CRTAC1: variants seen among roughly 807,000 people sequenced by gnomAD.
CRTAC1 encodes the protein acidic secreted protein in cartilage.
A neutral mutation model predicts 67.8 loss-of-function variants in CRTAC1; 37 were observed. The observed-to-expected ratio is 0.55, with a 90% confidence interval of 0.42 to 0.72. CRTAC1 has a LOEUF of 0.72. Ranked by LOEUF, CRTAC1 falls within the 30% of genes least tolerant of loss-of-function variation. CRTAC1 has a pLI of 0.00. For missense variants in CRTAC1, 780 were observed against 931.6 expected, an observed-to-expected ratio of 0.84 and a Z score of 2.12; for synonymous variants, 348 against 371.0, an observed-to-expected ratio of 0.94 and a Z score of 0.71.
chr10:97,947,631 A>G (rs2051285393), intron 2 of CRTAC1, among the ~76,000 whole-genome samples: 1 of 152,262 alleles, frequency 6.6e-6, no homozygotes, highest in African/African-American at 2.4e-5. Flanking sequence ...GCTGAGAAAT[A>G]AAAGAATGAG....
intron 2 of CRTAC1, among the ~76,000 whole-genome samples, chr10:97,947,247 G>A (rs1197560159): frequency 2.6e-5 from 4 of 152,254 alleles, no homozygotes; most frequent in East Asian, 3.9e-4. Context: ...TGTGATGGAC[G>A]CACATGGCAT....
At chr10:97,934,926 G>C (rs1474358245) in intron 3 of CRTAC1, among the ~76,000 whole-genome samples, 1 of 126,288 alleles carries the variant, frequency 7.9e-6, no homozygotes, top group Non-Finnish European at 1.6e-5. Context: ...TGAGAGCTGA[G>C]CCTAAGAAAA....
intron 11 of CRTAC1, among the ~76,000 whole-genome samples, chr10:97,885,669 C>T (rs1422179602): frequency 6.6e-6 from 1 of 152,040 alleles, no homozygotes; most frequent in Non-Finnish European, 1.5e-5. Context: ...GGCTGGGCCT[C>T]ACCTTCCAGG....
chr10:97,977,845 T>G (rs1414381063), intron 2 of CRTAC1, among the ~76,000 whole-genome samples: 1 of 152,176 alleles, frequency 6.6e-6, no homozygotes, highest in Non-Finnish European at 1.5e-5. Context: ...TATGCTGTGA[T>G]CATCAGTATG....
Position 97,896,963 on chromosome 10 carries a change from G to A in CRTAC1, c.1162C>T (p.Leu388Phe). ...TCGCCGGGATTGAGCTCCTCGATGA[G>A]GGGGTCTCCGTGCTCTCTACGGATG... The part of the protein sequence containing the change: ...RVIRREHGDP[L>F]IEELNPGDAL... The change falls in exon 9 of 15, where the codon CTC becomes TTC. Residue 388 changes from leucine (L) to phenylalanine (F), a missense_variant. Leu to Phe is a conservative substitution (Grantham distance 22, BLOSUM62 0). Transcript: ENST00000370597. 1 of 1,560,424 alleles carries A rather than the reference G, an allele frequency of 6.4e-7. No homozygotes were observed. Among genetic ancestry groups the A allele is most frequent in the Non-Finnish European group, 8.7e-7 (1 of 1,151,430 alleles).
chr10:97,895,448 C>A lies in CRTAC1; in HGVS notation c.1318-35G>T. 6.4e-7 allele frequency: 1 copy of A among 1,550,990 alleles called. No homozygotes were observed. The highest frequency in any genetic ancestry group is 8.7e-7 in the Non-Finnish European group (1 of 1,149,976). On this transcript the variant is annotated intron_variant, in intron 10 of 14. Transcript: ENST00000370597. The surrounding 1 kb of genome is among the most constrained non-coding windows in gnomAD (Gnocchi z 4.2). Reference sequence around the variant, plus strand: ...GGGTGAGAGGCAGACACCCGGTGGGCATCAGCATGGTGGGTGGGAAGAGCA... The same window carrying A: ...GGGTGAGAGGCAGACACCCGGTGGGAATCAGCATGGTGGGTGGGAAGAGCA...
intron 5 of CRTAC1, among the ~76,000 whole-genome samples, chr10:97,911,140 G>A (rs2050683412): frequency 6.6e-6 from 1 of 152,168 alleles, no homozygotes; most frequent in Non-Finnish European, 1.5e-5. Flanking sequence ...CAGCTTCTCT[G>A]AGAATCCCTC....
At chr10:97,878,570 C>A (rs2050173065) in intron 14 of CRTAC1, 6 of 1,279,796 alleles carry the variant, frequency 4.7e-6, no homozygotes, top group African/African-American at 1.5e-5. Flanking sequence ...AACAAGCCTT[C>A]ACTACTGAGG....
rs186543806 is a variant in CRTAC1, at chr10:97,977,826, G to A, written c.224+33312C>T. 7.2e-5 allele frequency among the ~76,000 whole-genome samples: 11 copies of A among 152,302 alleles called. No homozygotes were observed. The East Asian group carries it at 1.9e-3, about 27-fold the overall frequency. On this transcript the variant is annotated intron_variant, in intron 2 of 14. Coordinates refer to ENST00000370597, the MANE Select transcript of CRTAC1 (RefSeq NM_018058.7). ...CTCACGAGTGTAAATCAGAGTGGCA[G>A]GGAACCAATATGCTGTGATCATCAG...
rs114032373 is a variant in CRTAC1, at chr10:97,932,100, A to C, written c.421+4070T>G. Among the ~76,000 whole-genome samples the C allele has an allele frequency of 3.9e-3, 589 of 152,144 alleles. 8 individuals are homozygous for C. Among genetic ancestry groups the C allele is most frequent in the African/African-American group, 0.013 (543 of 41,500 alleles). ...TTCCCTTACCCGCTTACCAATTCTCAGCCCTTGACCCAGACTCACTGGGCC... is the reference window on the plus strand; with the variant it reads ...TTCCCTTACCCGCTTACCAATTCTCCGCCCTTGACCCAGACTCACTGGGCC... On this transcript the variant is annotated intron_variant, in intron 3 of 14. Coordinates refer to ENST00000370597, the MANE Select transcript of CRTAC1 (RefSeq NM_018058.7).
At chr10:97,989,292 A>G (rs1228933774) in intron 2 of CRTAC1, among the ~76,000 whole-genome samples, 1 of 152,192 alleles carries the variant, frequency 6.6e-6, no homozygotes, top group African/African-American at 2.4e-5. Context: ...ACGCACACAC[A>G]GAGTCATATG....
intron 7 of CRTAC1, 57 bp from the exon 8 acceptor site, chr10:97,901,696 A>T: frequency 6.2e-7 from 1 of 1,604,874 alleles, no homozygotes; most frequent in East Asian, 2.2e-5. Flanking sequence ...GCGGGAGGCC[A>T]GCTCTCCTCT....
At chr10:97,951,647 C>T (rs2136632464) in intron 2 of CRTAC1, among the ~76,000 whole-genome samples, 1 of 152,294 alleles carries the variant, frequency 6.6e-6, no homozygotes, top group African/African-American at 2.4e-5. Flanking sequence ...TAAAAATTAC[C>T]TACCTGACTG....
intron 2 of CRTAC1, among the ~76,000 whole-genome samples, chr10:97,980,273 G>C (rs1452636207): frequency 6.6e-6 from 1 of 152,226 alleles, no homozygotes; most frequent in East Asian, 1.9e-4. Context: ...GGTAGGTTCT[G>C]AGAAGCTGTT....
intron 2 of CRTAC1, among the ~76,000 whole-genome samples, chr10:97,996,164 T>C (rs1484110523): frequency 6.6e-6 from 1 of 151,714 alleles, no homozygotes; most frequent in Admixed American, 6.6e-5. Flanking sequence ...ATTCAGGACA[T>C]AGGCATGGGC....
chr10:98,007,547 C>G (rs1438896258), intron 2 of CRTAC1, among the ~76,000 whole-genome samples: 1 of 152,202 alleles, frequency 6.6e-6, no homozygotes, highest in Non-Finnish European at 1.5e-5. Flanking sequence ...ATCCTGTCTT[C>G]TGTGTAACTC....
chr10:98,029,161 C>A lies in CRTAC1; in HGVS notation c.24+1288G>T, dbSNP rs1449826927. ...CCCACTTTTCCAGCCTCCACCTCTC[C>A]CCCATGGCTGAGGGTGAGGTACTCT... On this transcript the variant is annotated intron_variant, in intron 1 of 14. Transcript: ENST00000370597. The surrounding 1 kb of genome is among the most constrained non-coding windows in gnomAD (Gnocchi z 4.7). Among the ~76,000 whole-genome samples, 1 of 152,160 alleles carries A rather than the reference C, an allele frequency of 6.6e-6. No individual in the cohort carries two copies. Among genetic ancestry groups the A allele is most frequent in the Non-Finnish European group, 1.5e-5 (1 of 68,024 alleles).
At chr10:97,907,902 G>T in intron 6 of CRTAC1, 111 bp downstream of exon 6, 2 of 1,195,796 alleles carry the variant, frequency 1.7e-6, no homozygotes, top group Non-Finnish European at 2.4e-6. Context: ...GACTTGCCCT[G>T]CTCTCCCTCA....
chr10:97,936,915 C>T (rs1432221913), intron 2 of CRTAC1, among the ~76,000 whole-genome samples: 2 of 152,102 alleles, frequency 1.3e-5, no homozygotes, highest in East Asian at 1.9e-4. Flanking sequence ...AACCAAGGTG[C>T]TTTCTACTAT....
Sources: gnomAD v4.1 joint callset for allele counts (sites outside exome capture counted in the v4.1 genomes callset) on GRCh38, gnomAD v4.1.1 for gene constraint, Gnocchi (gnomAD v3.1) non-coding constraint, MANE v1.5 for transcripts, NCBI Gene and HGNC (gene_info 2026-07-23, HGNC 2026-07-21) for gene names.